The following IL1RAPL2 variants were observed in gnomAD, a reference collection of about 807,000 sequenced individuals.
IL1RAPL2 encodes interleukin 1 receptor accessory protein like 2.
IL1RAPL2 carries 3 observed loss-of-function variants against 44.1 expected under a neutral mutation model. That is an observed-to-expected ratio of 0.07 (90% confidence interval 0.03 to 0.18). The LOEUF (loss-of-function observed/expected upper bound fraction) is 0.18. IL1RAPL2 is among the 10% of genes least tolerant of loss of function. The probability of loss-of-function intolerance (pLI) is 1.00; values close to 1 mark genes in which losing one functional copy is unlikely to be tolerated. For synonymous variants in IL1RAPL2, 181 were observed against 178.8 expected, an observed-to-expected ratio of 1.01 and a Z score of -0.10; for missense variants, 391 against 496.4, an observed-to-expected ratio of 0.79 and a Z score of 2.02.
chrX:104,767,752 C>G (rs1932580149), intron 2 of IL1RAPL2, among the ~76,000 whole-genome samples: 1 of 111,776 alleles, frequency 8.9e-6, no homozygotes, highest in Admixed American at 9.5e-5. Context: ...GGTGCAAAGT[C>G]CCTGCTCACA....
At chrX:104,956,532 A>T (rs1744613683) in intron 2 of IL1RAPL2, among the ~76,000 whole-genome samples, 1 of 105,328 alleles carries the variant, frequency 9.5e-6, no homozygotes, top group Admixed American at 1.0e-4. Context: ...CAGCTACTGG[A>T]GAGGCTGAGT....
At chrX:105,584,587 A>C (rs2037113579) in intron 6 of IL1RAPL2, among the ~76,000 whole-genome samples, 1 of 108,525 alleles carries the variant, frequency 9.2e-6, no homozygotes, top group Non-Finnish European at 1.9e-5. Context: ...TGTATAGTCA[A>C]TTGTCTTCAA....
At chrX:105,734,037 G>A (rs2038426901) in intron 7 of IL1RAPL2, among the ~76,000 whole-genome samples, 1 of 111,216 alleles carries the variant, frequency 9.0e-6, no homozygotes, top group South Asian at 3.7e-4. Context: ...GGTGTCAGAG[G>A]CTGAAATTCC....
chrX:105,689,732 G>T (rs931749839), intron 6 of IL1RAPL2, among the ~76,000 whole-genome samples: 1 of 111,839 alleles, frequency 8.9e-6, no homozygotes, highest in Non-Finnish European at 1.9e-5. Context: ...ATACCCAAAG[G>T]ATTACAAATT....
At chrX:104,777,865 C>A (rs1425847246) in intron 2 of IL1RAPL2, among the ~76,000 whole-genome samples, 1 of 110,807 alleles carries the variant, frequency 9.0e-6, no homozygotes, top group African/African-American at 3.3e-5. Flanking sequence ...GCTTTCAATT[C>A]TTTTGGAGCT....
At chrX:104,951,006 C>A (rs768146806) in intron 2 of IL1RAPL2, among the ~76,000 whole-genome samples, 2 of 112,255 alleles carry the variant, frequency 1.8e-5, no homozygotes, top group Non-Finnish European at 3.8e-5. Flanking sequence ...TTGCGCTTCC[C>A]GAGTGAGGCA....
chrX:104,947,053 T>G (rs1265079994), intron 2 of IL1RAPL2, among the ~76,000 whole-genome samples: 7 of 108,957 alleles, frequency 6.4e-5, no homozygotes, highest in Non-Finnish European at 1.1e-4. Flanking sequence ...GTGTTCCTAT[T>G]TCTCCACATC....
intron 6 of IL1RAPL2, among the ~76,000 whole-genome samples, chrX:105,521,507 A>T (rs1164707791): frequency 1.8e-5 from 2 of 111,901 alleles, no homozygotes; most frequent in African/African-American, 6.5e-5. Context: ...TGATAAAGCT[A>T]CACTTGTCTT....
chrX:104,671,990 C>G (rs1019182005), intron 2 of IL1RAPL2, among the ~76,000 whole-genome samples: 2 of 111,688 alleles, frequency 1.8e-5, no homozygotes, highest in Non-Finnish European at 1.9e-5. Flanking sequence ...AATGTCTGAA[C>G]ACCACCCACC....
intron 1 of IL1RAPL2, among the ~76,000 whole-genome samples, chrX:104,590,325 A>G (rs1928640261): frequency 8.9e-6 from 1 of 112,113 alleles, no homozygotes; most frequent in Non-Finnish European, 1.9e-5. Flanking sequence ...GATTACAGGT[A>G]TGAGCCACTG....
At chrX:104,971,244 A>G (rs891439332) in intron 2 of IL1RAPL2, among the ~76,000 whole-genome samples, 2 of 110,975 alleles carry the variant, frequency 1.8e-5, no homozygotes, top group Non-Finnish European at 3.8e-5. Context: ...GCTACTCGGG[A>G]TGCTGAGACA....
At chrX:104,842,892 GTCTGTCCC>G (rs1921948781) in intron 2 of IL1RAPL2, among the ~76,000 whole-genome samples, 1 of 112,867 alleles carries the variant, frequency 8.9e-6, no homozygotes, top group African/African-American at 3.2e-5. Context: ...CGAGGAGGCA[GTCTGTCCC>G]TTAGCGGAGC....
intron 2 of IL1RAPL2, among the ~76,000 whole-genome samples, chrX:105,115,069 T>C (rs2032839888): frequency 8.9e-6 from 1 of 111,798 alleles, no homozygotes; most frequent in Non-Finnish European, 1.9e-5. Flanking sequence ...ACTTCAAGAA[T>C]GAAGCTGCAG....
chrX:105,155,947 C>T (rs138671321), intron 2 of IL1RAPL2, among the ~76,000 whole-genome samples: 1,615 of 111,314 alleles, frequency 0.015, 30 homozygotes, highest in African/African-American at 0.048. Flanking sequence ...GAGCAAGCCA[C>T]TTTGACTGTA....
chrX:104,843,628 T>G (rs773725179), intron 2 of IL1RAPL2, among the ~76,000 whole-genome samples: 3 of 109,894 alleles, frequency 2.7e-5, no homozygotes, highest in Admixed American at 9.8e-5. Context: ...CCTCACTGTT[T>G]CCCTTGCCTG....
At chrX:105,577,067 T>C (rs930138858) in intron 6 of IL1RAPL2, among the ~76,000 whole-genome samples, 6 of 111,313 alleles carry the variant, frequency 5.4e-5, no homozygotes, top group African/African-American at 2.0e-4. Flanking sequence ...TAAAAGCTTA[T>C]CCACAAGACA....
At chrX:104,942,742 G>A (rs1349756932) in intron 2 of IL1RAPL2, among the ~76,000 whole-genome samples, 4 of 111,454 alleles carry the variant, frequency 3.6e-5, no homozygotes, top group African/African-American at 1.3e-4. Context: ...TTGAATAGGA[G>A]TGGTGAGAAA....
chrX:104,674,374 T>C (rs1486117554), intron 2 of IL1RAPL2, among the ~76,000 whole-genome samples: 1 of 112,263 alleles, frequency 8.9e-6, no homozygotes, highest in East Asian at 2.8e-4. Context: ...TTTTTGTCTT[T>C]GGCTCTGTTT....
At chrX:104,887,722 T>C (rs1923290234) in intron 2 of IL1RAPL2, among the ~76,000 whole-genome samples, 1 of 111,809 alleles carries the variant, frequency 8.9e-6, no homozygotes, top group Non-Finnish European at 1.9e-5. Flanking sequence ...CCACAAATTA[T>C]AGTCCAGACT....
Sources: allele counts gnomAD v4.1 joint callset (sites outside exome capture counted in the v4.1 genomes callset), GRCh38; gene constraint gnomAD v4.1.1; transcripts MANE v1.5; gene names NCBI Gene and HGNC (gene_info 2026-07-23, HGNC 2026-07-21).